The following ITGA9 variants were observed in gnomAD, a reference collection of about 807,000 sequenced individuals.
ITGA9 encodes the protein integrin subunit alpha 9.
In ITGA9, 56 loss-of-function variants were observed where a neutral mutation model predicts 127.8. That is an observed-to-expected ratio of 0.44 (90% CI 0.35 to 0.55). The LOEUF (loss-of-function observed/expected upper bound fraction) is 0.55, where lower values mean the gene tolerates loss of function less well. Among genes scored for constraint, ITGA9 ranks in the 20% least tolerant of loss-of-function variants. The probability of loss-of-function intolerance (pLI) is 0.00; values close to 1 mark genes in which losing one functional copy is unlikely to be tolerated. For missense variants in ITGA9, 1,196 were observed against 1,347.1 expected, an observed-to-expected ratio of 0.89 and a Z score of 1.76; for synonymous variants, 508 against 514.5, an observed-to-expected ratio of 0.99 and a Z score of 0.17.
intron 15 of ITGA9, among the ~76,000 whole-genome samples, chr3:37,583,714 T>A (rs1054479328): frequency 6.6e-6 from 1 of 152,262 alleles, no homozygotes; most frequent in Non-Finnish European, 1.5e-5. Flanking sequence ...ATAATTTCCT[T>A]GCTTCTCTAC....
At chr3:37,655,190 T>A (rs941883067) in intron 17 of ITGA9, among the ~76,000 whole-genome samples, 1 of 152,234 alleles carries the variant, frequency 6.6e-6, no homozygotes, top group African/African-American at 2.4e-5. Context: ...TGATTCATAA[T>A]CCTTTGGGTA....
In ITGA9 at chr3:37,780,032, A is replaced by G; in HGVS notation, c.2787+11A>G. 6.2e-7 allele frequency: 1 copy of G among 1,613,748 alleles called. No homozygotes were observed. The highest frequency in any genetic ancestry group is 8.5e-7 in the Non-Finnish European group (1 of 1,179,838). On this transcript the variant is annotated intron_variant, in intron 25 of 27. Transcript: ENST00000264741. ...GAAATACTGAAAAAGGTAAGCCCTA[A>G]TGAACCGCACTTGTGGATGCATTTA...
intron 18 of ITGA9, among the ~76,000 whole-genome samples, chr3:37,720,150 A>G (rs1701176327): frequency 6.6e-6 from 1 of 152,232 alleles, no homozygotes; most frequent in African/African-American, 2.4e-5. Context: ...CACTTTGAGT[A>G]GCAAGACCTT....
chr3:37,690,978 G>A (rs1181610289), intron 18 of ITGA9, among the ~76,000 whole-genome samples: 7 of 152,200 alleles, frequency 4.6e-5, no homozygotes, highest in Non-Finnish European at 1.0e-4. Flanking sequence ...GGAAGAGTAA[G>A]GGAGCTGGGG....
chr3:37,628,533 T>G (rs1700198975), intron 15 of ITGA9, among the ~76,000 whole-genome samples: 1 of 152,110 alleles, frequency 6.6e-6, no homozygotes, highest in South Asian at 2.1e-4. Context: ...CGTGGGTGTG[T>G]TTCTCATCTC....
Position 37,523,555 on chromosome 3 carries a change from G to A in ITGA9, c.1271G>A (p.Arg424Gln), listed in dbSNP as rs544515716. The change falls in exon 12 of 28, where the codon CGG becomes CAG. Residue 424 changes from arginine (R) to glutamine (Q), a missense_variant. Coordinates refer to ENST00000264741, the MANE Select transcript of ITGA9 (RefSeq NM_002207.3). The stretch of plus-strand genomic sequence containing the variant: ...GGGCAGAAGATAAATCCAGTGCTCC[G>A]GATGTTTGGTCAGTCCATATCGGGA... ...LSGQKINPVL[R>Q]MFGQSISGGI... 1.6e-5 allele frequency: 26 copies of A among 1,613,988 alleles called. No homozygotes were observed. The highest frequency in any genetic ancestry group is 4.5e-5 in the East Asian group (2 of 44,868).
At chr3:37,620,376 C>A (rs554710493) in intron 15 of ITGA9, among the ~76,000 whole-genome samples, 1 of 152,158 alleles carries the variant, frequency 6.6e-6, no homozygotes, top group Non-Finnish European at 1.5e-5. Flanking sequence ...CCTGCCCCTC[C>A]CCCGTGATCT....
intron 15 of ITGA9, among the ~76,000 whole-genome samples, chr3:37,615,878 C>T (rs201163989): frequency 5.0e-4 from 76 of 152,106 alleles, no homozygotes; most frequent in South Asian, 8.3e-4. Flanking sequence ...GTCTTGCTAG[C>T]GGTCTATCAA....
intron 27 of ITGA9, among the ~76,000 whole-genome samples, chr3:37,811,981 T>C (rs1466414472): frequency 6.6e-6 from 1 of 152,194 alleles, no homozygotes; most frequent in African/African-American, 2.4e-5. Context: ...AGAAAACAAA[T>C]CTGTGAAATG....
chr3:37,554,643 T>C (rs1311228265), intron 15 of ITGA9, among the ~76,000 whole-genome samples: 1 of 151,916 alleles, frequency 6.6e-6, no homozygotes, highest in Non-Finnish European at 1.5e-5. Context: ...GGGGCCATAG[T>C]GGTAACATTG....
At chr3:37,553,365 C>T (rs957474619) in intron 15 of ITGA9, among the ~76,000 whole-genome samples, 11 of 152,158 alleles carry the variant, frequency 7.2e-5, no homozygotes, top group African/African-American at 2.2e-4. Flanking sequence ...AAGAAAATCC[C>T]GCACTATTGC....
chr3:37,644,856 G>A (rs1051863622), intron 16 of ITGA9, among the ~76,000 whole-genome samples: 3 of 152,196 alleles, frequency 2.0e-5, no homozygotes, highest in African/African-American at 7.2e-5. Context: ...GCCTTTCATT[G>A]ATTCTTGAGG....
At chr3:37,756,051 A>G (rs1696649097) in intron 23 of ITGA9, among the ~76,000 whole-genome samples, 2 of 152,128 alleles carry the variant, frequency 1.3e-5, no homozygotes, top group Non-Finnish European at 2.9e-5. Flanking sequence ...AATAATAATT[A>G]ATGGATTAAA....
chr3:37,543,899 C>G (rs1490672175), intron 15 of ITGA9, among the ~76,000 whole-genome samples: 1 of 152,224 alleles, frequency 6.6e-6, no homozygotes, highest in Non-Finnish European at 1.5e-5. Context: ...GGGATGCTGG[C>G]CATTTATAAA....
Position 37,452,676 on chromosome 3 carries a change from T to A in ITGA9, c.185+117T>A. On this transcript the variant is annotated intron_variant, in intron 1 of 27. Coordinates refer to ENST00000264741, the MANE Select transcript of ITGA9 (RefSeq NM_002207.3). This position sits in a 1 kb window ranked among gnomAD's most constrained non-coding sequence, Gnocchi z 7.3. ...ACGCCGCCGTCCCGAGGGGGCGATT[T>A]AAATGTCTCCGTTGCGCGCGGCTCG... 1.1e-6 allele frequency: 1 copy of A among 912,444 alleles called. No individual in the cohort carries two copies. Among genetic ancestry groups the A allele is most frequent in the Non-Finnish European group, 1.5e-6 (1 of 665,006 alleles). 56.5% of individuals were successfully genotyped at this position (912,444 alleles called of 1,614,324 possible).
chr3:37,494,267 G>A (rs1698702442), intron 4 of ITGA9, among the ~76,000 whole-genome samples: 1 of 152,196 alleles, frequency 6.6e-6, no homozygotes, highest in Non-Finnish European at 1.5e-5. Flanking sequence ...CACGAGGGGA[G>A]GAAGTCTGCT....
chr3:37,475,549 G>A (rs1698485086), intron 3 of ITGA9, among the ~76,000 whole-genome samples: 1 of 152,204 alleles, frequency 6.6e-6, no homozygotes, highest in African/African-American at 2.4e-5. Context: ...GAGCATTTGT[G>A]GATAATGGTG....
chr3:37,699,817 G>A (rs1487521531), intron 18 of ITGA9, among the ~76,000 whole-genome samples: 8 of 152,164 alleles, frequency 5.3e-5, no homozygotes, highest in Admixed American at 3.3e-4. Context: ...GCCTCAGGGC[G>A]TTGACACTGG....
At chr3:37,554,036 T>TG (rs1239232913) in intron 15 of ITGA9, among the ~76,000 whole-genome samples, 2 of 152,234 alleles carry the variant, frequency 1.3e-5, no homozygotes, top group East Asian at 1.9e-4. Flanking sequence ...TGCCGTAGGC[T>TG]GGGGGGCCCT....
Sources: gnomAD v4.1 joint callset for allele counts (sites outside exome capture counted in the v4.1 genomes callset) on GRCh38, gnomAD v4.1.1 for gene constraint, Gnocchi (gnomAD v3.1) non-coding constraint, MANE v1.5 for transcripts, NCBI Gene and HGNC (gene_info 2026-07-23, HGNC 2026-07-21) for gene names.